The following MIGA1 variants were observed in gnomAD, a reference collection of about 807,000 sequenced individuals.
MIGA1 encodes the protein mitoguardin 1.
MIGA1 carries 58 observed loss-of-function variants against 82.0 expected under a neutral mutation model. That is an observed-to-expected ratio of 0.71 (90% CI 0.57 to 0.88). The LOEUF is 0.88. Ranked by LOEUF, MIGA1 falls within the 40% of genes least tolerant of loss-of-function variation. MIGA1 has a pLI of 0.00. For missense variants in MIGA1, 751 were observed against 749.1 expected (o/e 1.00, Z -0.03); for synonymous variants, 249 against 253.6 (o/e 0.98, Z 0.17).
intron 7 of MIGA1, among the ~76,000 whole-genome samples, chr1:77,815,659 A>G (rs1009750882): frequency 6.6e-6 from 1 of 152,256 alleles, no homozygotes; most frequent in Non-Finnish European, 1.5e-5. Flanking sequence ...GTCAGTACAT[A>G]CATCGTTATG....
chr1:77,874,762 T>TAA, intron 15 of MIGA1, 84 bp from the exon 16 acceptor site: 4 of 922,776 alleles, frequency 4.3e-6, no homozygotes, highest in Non-Finnish European at 6.8e-6. Context: ...TGAGTCCTGA[T>TAA]TCAGTGCTCA....
chr1:77,872,521 A>G (rs1646854714), intron 14 of MIGA1, among the ~76,000 whole-genome samples: 1 of 152,114 alleles, frequency 6.6e-6, no homozygotes, highest in African/African-American at 2.4e-5. Flanking sequence ...GGATCACTCA[A>G]GCTTGGGAAG....
intron 7 of MIGA1, among the ~76,000 whole-genome samples, chr1:77,839,496 G>A (rs902986012): frequency 6.6e-6 from 1 of 151,100 alleles, no homozygotes; most frequent in African/African-American, 2.4e-5. Context: ...TCAGCCTCCC[G>A]AGAAGCTGGA....
chr1:77,782,489 C>G lies in MIGA1; in HGVS notation c.82-749C>G, dbSNP rs562416477. Among the ~76,000 whole-genome samples, 92 of 152,178 alleles carry G rather than the reference C, an allele frequency of 6.0e-4. 1 individual carries two copies. Among genetic ancestry groups the G allele is most frequent in the Non-Finnish European group, 1.1e-3 (75 of 68,010 alleles). On this transcript the variant is annotated intron_variant, in intron 1 of 15. Transcript: ENST00000370791. Reference sequence around the variant, plus strand: ...TAAACTTGTAAAGTGATTTATGCATCAATACCATGTAAATTTGTTTAACAT... The same window carrying G: ...TAAACTTGTAAAGTGATTTATGCATGAATACCATGTAAATTTGTTTAACAT...
chr1:77,856,412 G>C (rs1044485009), intron 8 of MIGA1, among the ~76,000 whole-genome samples: 2 of 151,656 alleles, frequency 1.3e-5, no homozygotes, highest in Non-Finnish European at 3.0e-5. Flanking sequence ...ATTAGGGAGG[G>C]TTCCTTCTAT....
chr1:77,871,684 G>GT (rs1480586957), intron 14 of MIGA1, among the ~76,000 whole-genome samples: 1 of 152,100 alleles, frequency 6.6e-6, no homozygotes, highest in Non-Finnish European at 1.5e-5. Flanking sequence ...TAAATATAGA[G>GT]TTTCCTAAAA....
chr1:77,857,513 C>T (rs1430267451), intron 8 of MIGA1, among the ~76,000 whole-genome samples: 3 of 151,764 alleles, frequency 2.0e-5, no homozygotes, highest in South Asian at 4.2e-4. Flanking sequence ...CTGCACCTGG[C>T]CCCCCCTAAT....
intron 2 of MIGA1, among the ~76,000 whole-genome samples, chr1:77,796,934 T>C (rs1239733469): frequency 6.6e-6 from 1 of 152,186 alleles, no homozygotes; most frequent in East Asian, 1.9e-4. Flanking sequence ...ATCCCCAGAG[T>C]TCCCGTGTGC....
intron 8 of MIGA1, chr1:77,847,876 G>C: frequency 6.3e-7 from 1 of 1,579,216 alleles, no homozygotes; most frequent in Non-Finnish European, 8.7e-7. Flanking sequence ...GATGCAGACA[G>C]TGACTTTGAT....
intron 5 of MIGA1, among the ~76,000 whole-genome samples, chr1:77,812,214 A>G (rs1683368708): frequency 1.3e-5 from 2 of 152,170 alleles, no homozygotes; most frequent in South Asian, 4.1e-4. Flanking sequence ...CACGCCTGTA[A>G]TCCCAGCACT....
chr1:77,780,841 T>C (rs555851136), intron 1 of MIGA1, among the ~76,000 whole-genome samples: 1 of 152,084 alleles, frequency 6.6e-6, no homozygotes, highest in East Asian at 1.9e-4. Context: ...TCAGTAATAT[T>C]AAATGAAAAA....
chr1:77,813,629 T>TA (rs1456854815), intron 5 of MIGA1, 105 bp from the exon 6 acceptor site: 2 of 1,201,150 alleles, frequency 1.7e-6, no homozygotes, highest in African/African-American at 3.0e-5. Flanking sequence ...GTGTCAAAAT[T>TA]AGACTGTGAC....
intron 2 of MIGA1, among the ~76,000 whole-genome samples, chr1:77,788,518 C>CT (rs895957112): frequency 4.6e-5 from 7 of 152,104 alleles, no homozygotes; most frequent in African/African-American, 1.4e-4. Context: ...TTGTTTGTAT[C>CT]TTTTTTTTGT....
At chr1:77,827,422 T>C (rs999846046) in intron 7 of MIGA1, among the ~76,000 whole-genome samples, 1 of 151,870 alleles carries the variant, frequency 6.6e-6, no homozygotes, top group African/African-American at 2.4e-5. Context: ...CGCAGTGAGC[T>C]ATGATCACAC....
At chr1:77,800,505 C>T (rs1682834208) in intron 2 of MIGA1, among the ~76,000 whole-genome samples, 1 of 152,206 alleles carries the variant, frequency 6.6e-6, no homozygotes, top group South Asian at 2.1e-4. Flanking sequence ...GACATTCTTT[C>T]CAGCTCTCAA....
At chr1:77,861,067 CAAAGTAGT>C in intron 11 of MIGA1, 149 bp from the exon 12 acceptor site, 2 of 521,378 alleles carry the variant, frequency 3.8e-6, no homozygotes, top group Non-Finnish European at 6.7e-6. Flanking sequence ...GTTGCAATAG[CAAAGTAGT>C]AAACCAGATA....
At chr1:77,855,286 G>T (rs1685206737) in intron 8 of MIGA1, among the ~76,000 whole-genome samples, 2 of 152,136 alleles carry the variant, frequency 1.3e-5, no homozygotes, top group South Asian at 4.1e-4. Flanking sequence ...ATGCTGTTTT[G>T]ATGATTGTGG....
In MIGA1 at chr1:77,879,376, G is replaced by C. The variant is rs1009759096; in HGVS notation, c.*4312G>C. The C allele has an allele frequency of 6.6e-6, 1 of 152,152 alleles. No individual in the cohort carries two copies. The highest frequency in any genetic ancestry group is 1.5e-5 in the Non-Finnish European group (1 of 68,026). 9.4% of individuals were successfully genotyped at this position (152,152 alleles called of 1,614,324 possible). On this transcript the variant is annotated 3_prime_UTR_variant, in exon 16 of 16. Coordinates refer to ENST00000370791, the MANE Select transcript of MIGA1 (RefSeq NM_198549.4). ...AACCATGTATTAGCTTTACTTAGCT[G>C]ATGTCAGTAAATGTTTCTGTCTCCT...
chr1:77,806,349 ATGT>A (rs1329029656), intron 4 of MIGA1, among the ~76,000 whole-genome samples: 2 of 152,150 alleles, frequency 1.3e-5, no homozygotes, highest in Non-Finnish European at 2.9e-5. Flanking sequence ...GTTGACCCAG[ATGT>A]TGTTATGTCG....
Sources: gnomAD v4.1 joint callset for allele counts (sites outside exome capture counted in the v4.1 genomes callset) on GRCh38, gnomAD v4.1.1 for gene constraint, MANE v1.5 for transcripts, NCBI Gene and HGNC (gene_info 2026-07-23, HGNC 2026-07-21) for gene names.